The following ADAD1 variants were observed in gnomAD, a reference collection of about 807,000 sequenced individuals.
ADAD1 encodes the protein adenosine deaminase domain containing 1.
A neutral mutation model predicts 66.8 loss-of-function variants in ADAD1; 46 were observed. The observed-to-expected ratio is 0.69, with a 90% CI of 0.54 to 0.88. The LOEUF is 0.88. Ranked by LOEUF, ADAD1 falls within the 40% of genes least tolerant of loss-of-function variation. The pLI is 0.00. For missense variants in ADAD1, 617 were observed against 681.8 expected, an observed-to-expected ratio of 0.91 and a Z score of 1.06; for synonymous variants, 248 against 229.4, an observed-to-expected ratio of 1.08 and a Z score of -0.73.
intron 12 of ADAD1, among the ~76,000 whole-genome samples, chr4:122,426,063 A>C (rs953888848): frequency 4.6e-5 from 7 of 152,130 alleles, no homozygotes; most frequent in African/African-American, 1.4e-4. Flanking sequence ...AAAAATCTAA[A>C]TTTGGTTCAT....
At chr4:122,414,693 T>A (rs1231697465) in intron 10 of ADAD1, among the ~76,000 whole-genome samples, 3 of 152,152 alleles carry the variant, frequency 2.0e-5, no homozygotes, top group Admixed American at 2.0e-4. Context: ...TCTGACCTTC[T>A]GAGGAAGAAA....
At chr4:122,384,267 A>G (rs977036212) in intron 5 of ADAD1, among the ~76,000 whole-genome samples, 7 of 152,210 alleles carry the variant, frequency 4.6e-5, no homozygotes, top group Non-Finnish European at 1.5e-5. Flanking sequence ...TCTTATTATG[A>G]ATGTAATACT....
chr4:122,419,323 A>G (rs1001062256), intron 11 of ADAD1, among the ~76,000 whole-genome samples: 5 of 152,206 alleles, frequency 3.3e-5, no homozygotes, highest in African/African-American at 1.2e-4. Flanking sequence ...GTAGGAGCTA[A>G]ATGATGAGAA....
intron 4 of ADAD1, among the ~76,000 whole-genome samples, chr4:122,382,478 A>G (rs749895738): frequency 2.6e-5 from 4 of 152,136 alleles, no homozygotes; most frequent in Non-Finnish European, 5.9e-5. Flanking sequence ...TTCTTTAGAT[A>G]GAGGCTCTCA....
rs1310133526 is a variant in ADAD1 at position 122,429,522 on chromosome 4, G to A, written c.1618-104G>A. On this transcript the variant is annotated intron_variant, in intron 12 of 12. Coordinates refer to ENST00000296513, the MANE Select transcript of ADAD1 (RefSeq NM_139243.4). ...AAATATAGGAATTAAAAAAGACTTT[G>A]ATTAACTTTTTTAAATTTCAAGCTA... is the stretch of plus-strand genomic sequence containing the variant. 4.6e-5 allele frequency: 29 copies of A among 636,604 alleles called. No individual in the cohort carries two copies. In the South Asian group the frequency reaches 8.0e-4, roughly 18 times the overall value. 39.4% of individuals were successfully genotyped at this position (636,604 alleles called of 1,614,324 possible).
intron 5 of ADAD1, among the ~76,000 whole-genome samples, chr4:122,386,077 C>T (rs1268549290): frequency 6.6e-6 from 1 of 152,090 alleles, no homozygotes; most frequent in Non-Finnish European, 1.5e-5. Context: ...ATTGCTGGGT[C>T]AAATGGTATT....
At chr4:122,400,121 A>C (rs1374807550) in intron 7 of ADAD1, among the ~76,000 whole-genome samples, 1 of 152,142 alleles carries the variant, frequency 6.6e-6, no homozygotes, top group Admixed American at 6.5e-5. Context: ...TTCCCTGTTC[A>C]GTATAATGTT....
At chr4:122,417,474 TAAG>T (rs1796792169) in intron 11 of ADAD1, among the ~76,000 whole-genome samples, 1 of 151,904 alleles carries the variant, frequency 6.6e-6, no homozygotes, top group South Asian at 2.1e-4. Context: ...ACAGAACAGT[TAAG>T]AATGTTTATG....
chr4:122,413,234 C>T (rs1357859411), intron 10 of ADAD1, among the ~76,000 whole-genome samples: 2 of 152,058 alleles, frequency 1.3e-5, no homozygotes, highest in African/African-American at 4.8e-5. Flanking sequence ...GTTTTCTGTA[C>T]CCCAACATTA....
chr4:122,408,169 C>T (rs1386647010), intron 8 of ADAD1, 138 bp downstream of exon 8: 8 of 875,322 alleles, frequency 9.1e-6, no homozygotes, highest in South Asian at 4.8e-5. Context: ...TCTAAGTCAT[C>T]GGATTAATTC....
chr4:122,415,314 T>A, intron 10 of ADAD1, 65 bp from the exon 11 acceptor site: 1 of 1,282,334 alleles, frequency 7.8e-7, no homozygotes, highest in Non-Finnish European at 1.1e-6. Context: ...TCCAATCATT[T>A]CATTTATTTT....
chr4:122,380,550 C>T (rs547385396), intron 3 of ADAD1: 2 of 358,308 alleles, frequency 5.6e-6, no homozygotes, highest in South Asian at 8.8e-5. Context: ...CCACATAGCA[C>T]TTAGCGTAGT....
In ADAD1 at chr4:122,379,021, A is replaced by C. The variant is rs1794737012; in HGVS notation, c.-177A>C. 6.6e-6 allele frequency: 1 copy of C among 152,368 alleles called. No individual in the cohort carries two copies. Among genetic ancestry groups the C allele is most frequent in the Non-Finnish European group, 1.5e-5 (1 of 68,058 alleles). 9.4% of individuals were successfully genotyped at this position (152,368 alleles called of 1,614,324 possible). On this transcript the variant is annotated 5_prime_UTR_variant, in exon 1 of 13. Coordinates refer to ENST00000296513, the MANE Select transcript of ADAD1 (RefSeq NM_139243.4). Reference sequence around the variant, plus strand: ...TGAGGTAGTTTTTCTGTAAACAGGAAGGCCACAGTGGAGGCCAAGCCTTCC... The same window carrying C: ...TGAGGTAGTTTTTCTGTAAACAGGACGGCCACAGTGGAGGCCAAGCCTTCC...
intron 5 of ADAD1, among the ~76,000 whole-genome samples, chr4:122,390,095 T>G (rs1369005842): frequency 6.6e-6 from 1 of 152,196 alleles, no homozygotes; most frequent in Non-Finnish European, 1.5e-5. Flanking sequence ...TGAAAAGGAT[T>G]TTATTTCTTC....
intron 10 of ADAD1, among the ~76,000 whole-genome samples, chr4:122,414,760 G>T (rs534239549): frequency 6.6e-6 from 1 of 152,072 alleles, no homozygotes; most frequent in Non-Finnish European, 1.5e-5. Flanking sequence ...CCTAACTTCT[G>T]TTTTAAGTTT....
chr4:122,399,740 C>CTTTTT (rs145100591), intron 7 of ADAD1, among the ~76,000 whole-genome samples: 139 of 110,362 alleles, frequency 1.3e-3, no homozygotes, highest in African/African-American at 1.5e-3. Flanking sequence ...ATTTTCTTTT[C>CTTTTT]TTTTTTTTTT....
chr4:122,418,663 C>T (rs1796867860), intron 11 of ADAD1, among the ~76,000 whole-genome samples: 1 of 152,142 alleles, frequency 6.6e-6, no homozygotes, highest in African/African-American at 2.4e-5. Flanking sequence ...TTAGCTGTTC[C>T]TCAAAGTACC....
intron 5 of ADAD1, among the ~76,000 whole-genome samples, chr4:122,389,680 C>T (rs1346600406): frequency 6.6e-6 from 1 of 152,116 alleles, no homozygotes; most frequent in Non-Finnish European, 1.5e-5. Context: ...ATTGCAACCT[C>T]TGCTTTTTTC....
At chr4:122,416,130 A>T (rs1444258935) in intron 11 of ADAD1, among the ~76,000 whole-genome samples, 1 of 151,918 alleles carries the variant, frequency 6.6e-6, no homozygotes, top group African/African-American at 2.4e-5. Context: ...TTATTTATTT[A>T]TTTTTTACAG....
Sources: gnomAD v4.1 joint callset for allele counts (sites outside exome capture counted in the v4.1 genomes callset) on GRCh38, gnomAD v4.1.1 for gene constraint, MANE v1.5 for transcripts, NCBI Gene and HGNC (gene_info 2026-07-23, HGNC 2026-07-21) for gene names.